Variants in DLGAP2 observed in about 807,000 individuals in gnomAD.
DLGAP2 encodes the protein DLG associated protein 2.
In DLGAP2, 26 loss-of-function variants were observed where a neutral mutation model predicts 100.3. That is an observed-to-expected ratio of 0.26 (90% CI 0.19 to 0.36). DLGAP2 has a LOEUF of 0.36. DLGAP2 is among the 10% of genes least tolerant of loss of function. The probability of loss-of-function intolerance (pLI) is 1.00; values close to 1 mark genes in which losing one functional copy is unlikely to be tolerated. For missense variants in DLGAP2, 1,858 were observed against 1,453.2 expected (o/e 1.28, Z -4.53); for synonymous variants, 886 against 630.1 (o/e 1.41, Z -6.08).
chr8:1,424,124 C>A (rs527591102), intron 3 of DLGAP2, among the ~76,000 whole-genome samples: 51 of 152,368 alleles, frequency 3.3e-4, no homozygotes, highest in African/African-American at 1.2e-3. Flanking sequence ...CTAAAGCGGG[C>A]TCCACATGGG....
intron 1 of DLGAP2, among the ~76,000 whole-genome samples, chr8:774,720 G>T (rs1370816755): frequency 3.3e-5 from 5 of 151,274 alleles, no homozygotes; most frequent in Non-Finnish European, 7.4e-5. Context: ...CTCTGTTTTG[G>T]TAGCAGTACC....
rs950959763 is a variant in DLGAP2 at position 847,505 on chromosome 8, T to G, written c.19-60407T>G. ...ATTATCTTGATTGTGTACTTTTTTC[T>G]TTTCTTTTTTTTTCTTTTTGAGACA... On this transcript the variant is annotated intron_variant, in intron 1 of 14. Coordinates refer to ENST00000637795, the MANE Select transcript of DLGAP2 (RefSeq NM_001346810.2). Among the ~76,000 whole-genome samples the G allele has an allele frequency of 1.4e-4, 22 of 152,188 alleles. No homozygotes were observed. In the East Asian group the frequency reaches 3.1e-3, roughly 21 times the overall value.
chr8:1,010,453 C>G (rs563712967), intron 2 of DLGAP2, among the ~76,000 whole-genome samples: 13 of 152,238 alleles, frequency 8.5e-5, no homozygotes, highest in Admixed American at 7.2e-4. Context: ...CTCATATTCT[C>G]ACATATGTGT....
chr8:1,522,678 T>G (rs936945011), intron 4 of DLGAP2, among the ~76,000 whole-genome samples: 2 of 152,198 alleles, frequency 1.3e-5, no homozygotes, highest in Admixed American at 1.3e-4. Flanking sequence ...GAGGAGCTTC[T>G]TTTTCAGCAG....
At chr8:1,276,199 C>G (rs1433513430) in intron 3 of DLGAP2, among the ~76,000 whole-genome samples, 2 of 150,100 alleles carry the variant, frequency 1.3e-5, no homozygotes, top group Non-Finnish European at 2.9e-5. Flanking sequence ...TCTCTCAACT[C>G]CAATCAACAC....
At chr8:1,253,044 C>A (rs574380361) in intron 2 of DLGAP2, among the ~76,000 whole-genome samples, 1 of 152,204 alleles carries the variant, frequency 6.6e-6, no homozygotes, top group African/African-American at 2.4e-5. Context: ...CCCTCCGCTG[C>A]TTGCACTGCA....
intron 4 of DLGAP2, among the ~76,000 whole-genome samples, chr8:1,530,503 T>C (rs1800954265): frequency 6.6e-6 from 1 of 152,138 alleles, no homozygotes; most frequent in African/African-American, 2.4e-5. Context: ...AATGCAATTA[T>C]TACAGGGTCC....
intron 2 of DLGAP2, among the ~76,000 whole-genome samples, chr8:1,168,032 T>A (rs13269157): frequency 1.5e-5 from 1 of 65,322 alleles, no homozygotes; most frequent in Non-Finnish European, 2.8e-5. Context: ...CCCTCCCCCC[T>A]CCCCCCACCC....
intron 2 of DLGAP2, among the ~76,000 whole-genome samples, chr8:1,257,992 G>A (rs916130494): frequency 3.9e-5 from 6 of 152,186 alleles, no homozygotes; most frequent in East Asian, 1.9e-4. Flanking sequence ...CCTTGCACTC[G>A]TGTGTCTGTG....
At chr8:1,425,650 A>C (rs962370409) in intron 3 of DLGAP2, among the ~76,000 whole-genome samples, 1 of 152,204 alleles carries the variant, frequency 6.6e-6, no homozygotes, top group Non-Finnish European at 1.5e-5. Flanking sequence ...TAGAGCTGTC[A>C]TGTAAACCCC....
chr8:1,454,532 T>C (rs2130125019), intron 3 of DLGAP2, among the ~76,000 whole-genome samples: 1 of 152,284 alleles, frequency 6.6e-6, no homozygotes, highest in South Asian at 2.1e-4. Flanking sequence ...AAAACACTGC[T>C]TCCTCCTGGG....
At chr8:1,410,426 C>G in intron 3 of DLGAP2, among the ~76,000 whole-genome samples, 1 of 152,208 alleles carries the variant, frequency 6.6e-6, no homozygotes, top group East Asian at 1.9e-4. Context: ...CCTTTTTATT[C>G]TCTCCCCTCA....
chr8:1,230,900 A>T (rs1268182420), intron 2 of DLGAP2, among the ~76,000 whole-genome samples: 1 of 152,212 alleles, frequency 6.6e-6, no homozygotes, highest in African/African-American at 2.4e-5. Flanking sequence ...AAACTTCAAG[A>T]ATCCTAAGAA....
At position 1,104,052 on chromosome 8, in the gene DLGAP2, C is replaced by T. The variant is rs113944383; in HGVS notation, c.74-154799C>T. Among the ~76,000 whole-genome samples, 804 of 152,272 alleles carry T rather than the reference C, an allele frequency of 5.3e-3. 6 individuals are homozygous for T. Among genetic ancestry groups the T allele is most frequent in the Non-Finnish European group, 8.3e-3 (562 of 68,022 alleles). Reference sequence around the variant, plus strand: ...CTTGTGGGACACAGGATTGCTCGGCCGGCTCGTCTTCACGCATGAATCACC... The same window carrying T: ...CTTGTGGGACACAGGATTGCTCGGCTGGCTCGTCTTCACGCATGAATCACC... On this transcript the variant is annotated intron_variant, in intron 2 of 14. Coordinates refer to ENST00000637795, the MANE Select transcript of DLGAP2 (RefSeq NM_001346810.2).
At chr8:1,423,142 C>G (rs568156901) in intron 3 of DLGAP2, among the ~76,000 whole-genome samples, 26 of 152,232 alleles carry the variant, frequency 1.7e-4, no homozygotes, top group South Asian at 1.0e-3. Context: ...ATGAATGAAC[C>G]ACAACAGCTA....
chr8:1,664,456 C>T (rs538485122), intron 8 of DLGAP2, among the ~76,000 whole-genome samples: 3 of 152,248 alleles, frequency 2.0e-5, no homozygotes, highest in Admixed American at 2.0e-4. Context: ...CTCAGGACGG[C>T]CTTTTCAGTG....
intron 3 of DLGAP2, among the ~76,000 whole-genome samples, chr8:1,498,508 G>C (rs12114492): frequency 0.013 from 1,911 of 152,282 alleles, 46 homozygotes; most frequent in African/African-American, 0.044. Context: ...CCTCTAATGA[G>C]ACTCCGTGGT....
intron 1 of DLGAP2, among the ~76,000 whole-genome samples, chr8:888,611 T>A (rs1040586444): frequency 1.3e-5 from 2 of 152,126 alleles, no homozygotes; most frequent in Non-Finnish European, 2.9e-5. Context: ...TGCTTTTTTT[T>A]TTTTTCAATA....
chr8:1,066,623 G>C (rs551561485), intron 2 of DLGAP2, among the ~76,000 whole-genome samples: 1 of 151,850 alleles, frequency 6.6e-6, no homozygotes, highest in Non-Finnish European at 1.5e-5. Context: ...TCCCCACCAC[G>C]GTCAGGTCTG....
Sources: gnomAD v4.1 joint callset for allele counts (sites outside exome capture counted in the v4.1 genomes callset) on GRCh38, gnomAD v4.1.1 for gene constraint, MANE v1.5 for transcripts, NCBI Gene and HGNC (gene_info 2026-07-23, HGNC 2026-07-21) for gene names.